Variants in TPST2 observed in about 807,000 individuals in gnomAD.
TPST2 encodes protein-tyrosine sulfotransferase 2.
TPST2 carries 16 observed loss-of-function variants against 27.8 expected under a neutral mutation model. That is an observed-to-expected ratio of 0.58 (90% CI 0.39 to 0.88). The LOEUF (loss-of-function observed/expected upper bound fraction) is 0.88. TPST2 is among the 40% of genes least tolerant of loss of function. The pLI, the probability that TPST2 is intolerant of heterozygous loss-of-function variation, is 0.00. For synonymous variants in TPST2, 229 were observed against 231.7 expected, an observed-to-expected ratio of 0.99 and a Z score of 0.10; for missense variants, 464 against 543.1, an observed-to-expected ratio of 0.85 and a Z score of 1.45.
At chr22:26,556,801 C>T (rs956945669) in intron 1 of TPST2, among the ~76,000 whole-genome samples, 6 of 152,218 alleles carry the variant, frequency 3.9e-5, no homozygotes, top group African/African-American at 1.4e-4. Context: ...TCTAGATTCA[C>T]CTTCCTTCCC....
intron 1 of TPST2, among the ~76,000 whole-genome samples, chr22:26,562,187 GC>G (rs1338253971): frequency 6.6e-6 from 1 of 152,234 alleles, no homozygotes; most frequent in Non-Finnish European, 1.5e-5. Flanking sequence ...ATGAAGGCAA[GC>G]CTAGCTCCTC....
At chr22:26,542,896 G>A (rs780623752) in intron 2 of TPST2, among the ~76,000 whole-genome samples, 1 of 152,226 alleles carries the variant, frequency 6.6e-6, no homozygotes, top group African/African-American at 2.4e-5. Flanking sequence ...GTCTGCAGCT[G>A]GGCCTATCCA....
At chr22:26,529,176 G>A (rs1925013268) in intron 5 of TPST2, among the ~76,000 whole-genome samples, 1 of 152,052 alleles carries the variant, frequency 6.6e-6, no homozygotes, top group Non-Finnish European at 1.5e-5. Flanking sequence ...AGGCTGGATG[G>A]AGTGCGGTGG....
At position 26,541,561 on chromosome 22, in the gene TPST2, G is replaced by T; in HGVS notation, c.70C>A (p.Leu24Met). 6.2e-7 allele frequency: 1 copy of T among 1,609,636 alleles called. No homozygotes were observed. The change falls in exon 3 of 7, where the codon CTG becomes ATG. Residue 24 changes from leucine to methionine, a missense_variant. Leu to Met is a conservative substitution (Grantham distance 15, BLOSUM62 2). Transcript: ENST00000338754. This position sits in a 1 kb window ranked among gnomAD's most constrained non-coding sequence, Gnocchi z 5.9. ...CALVLVLAVQLGQQVLECRAV... is the reference protein window; with the variant it reads ...CALVLVLAVQMGQQVLECRAV... ...CGGCACTCTAGCACCTGCTGTCCCA[G>T]CTGAACCGCCAGCACCAGGACCAGG...
chr22:26,586,635 G>A (rs1158918630), intron 1 of TPST2, among the ~76,000 whole-genome samples: 1 of 151,284 alleles, frequency 6.6e-6, no homozygotes, highest in Non-Finnish European at 1.5e-5. Context: ...GTCACGAGGT[G>A]CCAGATACAG....
chr22:26,549,853 A>AC (rs1240899313), intron 1 of TPST2, among the ~76,000 whole-genome samples: 5 of 132,622 alleles, frequency 3.8e-5, no homozygotes, highest in East Asian at 2.2e-4. Flanking sequence ...ACACGGTGAA[A>AC]CCCCCCTCTC....
intron 3 of TPST2, among the ~76,000 whole-genome samples, chr22:26,538,682 C>T (rs1334630258): frequency 6.6e-6 from 1 of 152,184 alleles, no homozygotes; most frequent in East Asian, 1.9e-4. Flanking sequence ...ATTAGCAGAG[C>T]GTGGTGGCGG....
chr22:26,575,267 G>A (rs1222278533), intron 1 of TPST2, among the ~76,000 whole-genome samples: 1 of 152,126 alleles, frequency 6.6e-6, no homozygotes, highest in African/African-American at 2.4e-5. Context: ...ATAAACATTG[G>A]CTGTGAATAT....
intron 4 of TPST2, among the ~76,000 whole-genome samples, chr22:26,535,304 G>A (rs759109565): frequency 7.9e-5 from 12 of 152,224 alleles, no homozygotes; most frequent in Non-Finnish European, 1.5e-4. Context: ...GGGTCTTAAT[G>A]AAGTAAGGGC....
chr22:26,536,166 G>T, intron 4 of TPST2, 122 bp downstream of exon 4: 2 of 1,267,162 alleles, frequency 1.6e-6, no homozygotes, highest in Middle Eastern at 1.8e-4. Flanking sequence ...CATCAGACAG[G>T]AACAAATCAG....
At chr22:26,540,558 A>T (rs1180555617) in intron 3 of TPST2, among the ~76,000 whole-genome samples, 1 of 152,218 alleles carries the variant, frequency 6.6e-6, no homozygotes, top group Non-Finnish European at 1.5e-5. Context: ...CGGGCAACAG[A>T]CCGAGACACT....
intron 6 of TPST2, among the ~76,000 whole-genome samples, chr22:26,527,256 A>G (rs1924892319): frequency 6.6e-6 from 1 of 152,248 alleles, no homozygotes; most frequent in African/African-American, 2.4e-5. Context: ...TCCATGTAAA[A>G]TAACCTCTCT....
In TPST2 at chr22:26,522,278, C is replaced by T. The variant is rs1311556467; in HGVS notation, c.*3997G>A. ...GGAAAGTGGTAGAGCCAGGATGAGA[C>T]GCTAATTCTGACTCCAAAGCTAGTT... On this transcript the variant is annotated 3_prime_UTR_variant, in exon 7 of 7. Coordinates refer to ENST00000338754, the MANE Select transcript of TPST2 (RefSeq NM_003595.5). 2.0e-5 allele frequency: 3 copies of T among 152,106 alleles called. No homozygotes were observed. The highest frequency in any genetic ancestry group is 4.8e-5 in the African/African-American group (2 of 41,416). The allele number at this position is 152,106 out of a possible 1,614,324, so 9.4% of individuals were successfully genotyped here.
intron 1 of TPST2, chr22:26,550,564 A>T (rs1052096023): frequency 2.7e-5 from 27 of 984,910 alleles, no homozygotes; most frequent in Non-Finnish European, 2.8e-5. Context: ...CAGTGCACAA[A>T]GCCAGCTCAG....
chr22:26,535,416 G>A (rs764730455), intron 4 of TPST2, among the ~76,000 whole-genome samples: 4 of 152,180 alleles, frequency 2.6e-5, no homozygotes, highest in Admixed American at 1.3e-4. Context: ...TAATGGAAAC[G>A]TATAAATAAG....
rs1330388660 is a variant in TPST2, at chr22:26,535,975, C to G, written c.1041+313G>C. Reference sequence around the variant, plus strand: ...TTGAGGTGCCTTACAAACAGATAAACAAATAGCCAGGGAAATAGGGGTAAA... The same window carrying G: ...TTGAGGTGCCTTACAAACAGATAAAGAAATAGCCAGGGAAATAGGGGTAAA... On this transcript the variant is annotated intron_variant, in intron 4 of 6. Transcript: ENST00000338754. The G allele has an allele frequency of 3.8e-5, 17 of 447,456 alleles. No individual in the cohort carries two copies. The East Asian group carries it at 6.2e-4, about 16-fold the overall frequency. 27.7% of individuals were successfully genotyped at this position (447,456 alleles called of 1,614,324 possible). A position where few individuals can be genotyped will look rare whatever the true frequency, so the allele number is the denominator to read the frequency against.
chr22:26,534,760 A>T (rs1173367312), intron 4 of TPST2, among the ~76,000 whole-genome samples: 1 of 152,234 alleles, frequency 6.6e-6, no homozygotes, highest in Non-Finnish European at 1.5e-5. Flanking sequence ...CAGTTAATTA[A>T]TTTTTTATTT....
chr22:26,582,836 C>G (rs1928168169), intron 1 of TPST2, among the ~76,000 whole-genome samples: 1 of 152,112 alleles, frequency 6.6e-6, no homozygotes, highest in South Asian at 2.1e-4. Flanking sequence ...TATTTCCAAG[C>G]CTTGGCTTCT....
At chr22:26,576,815 G>C (rs1386447510) in intron 1 of TPST2, among the ~76,000 whole-genome samples, 2 of 151,662 alleles carry the variant, frequency 1.3e-5, no homozygotes, top group African/African-American at 4.8e-5. Flanking sequence ...TAAAAAAAAA[G>C]GCCGGGCGCG....
Sources: gnomAD v4.1 joint callset for allele counts (sites outside exome capture counted in the v4.1 genomes callset) on GRCh38, gnomAD v4.1.1 for gene constraint, Gnocchi (gnomAD v3.1) non-coding constraint, MANE v1.5 for transcripts, NCBI Gene and HGNC (gene_info 2026-07-23, HGNC 2026-07-21) for gene names.